The following HSD17B4 variants were observed in gnomAD, a reference collection of about 807,000 sequenced individuals.
HSD17B4 encodes the protein peroxisomal multifunctional enzyme type 2.
HSD17B4 carries 70 observed loss-of-function variants against 101.0 expected under a neutral mutation model. The ratio of observed to expected loss-of-function variants is 0.69; its 90% CI spans 0.57 to 0.85. The LOEUF (loss-of-function observed/expected upper bound fraction) is 0.85. Among genes scored for constraint, HSD17B4 ranks in the 40% least tolerant of loss-of-function variants. The pLI, the probability that HSD17B4 is intolerant of heterozygous loss-of-function variation, is 0.00. For missense variants in HSD17B4, 984 were observed against 892.4 expected (o/e 1.10, Z -1.31); for synonymous variants, 347 against 297.1 (o/e 1.17, Z -1.73).
chr5:119,496,903 T>C (rs1026906639), intron 12 of HSD17B4, among the ~76,000 whole-genome samples: 16 of 152,256 alleles, frequency 1.1e-4, no homozygotes, highest in Non-Finnish European at 2.1e-4. Context: ...TTGAGCCACA[T>C]GAAGAGATGG....
intron 17 of HSD17B4, among the ~76,000 whole-genome samples, chr5:119,522,972 C>G (rs1753248034): frequency 6.6e-6 from 1 of 152,126 alleles, no homozygotes; most frequent in South Asian, 2.1e-4. Flanking sequence ...CCCCCAAGCC[C>G]TGCCACTCTG....
At chr5:119,453,560 T>TA (rs1754295751) in intron 1 of HSD17B4, among the ~76,000 whole-genome samples, 1 of 152,230 alleles carries the variant, frequency 6.6e-6, no homozygotes, top group African/African-American at 2.4e-5. Context: ...GATTCTCCAC[T>TA]GGTAGTACCT....
intron 2 of HSD17B4, among the ~76,000 whole-genome samples, chr5:119,466,116 A>ATT (rs1755782972): frequency 6.6e-6 from 1 of 152,236 alleles, no homozygotes; most frequent in Non-Finnish European, 1.5e-5. Context: ...GTGATATCAC[A>ATT]TTTATTGATA....
At chr5:119,500,074 G>C (rs1453921388) in intron 13 of HSD17B4, among the ~76,000 whole-genome samples, 1 of 152,182 alleles carries the variant, frequency 6.6e-6, no homozygotes, top group Non-Finnish European at 1.5e-5. Context: ...TGATGAACAT[G>C]TGAAGCCATT....
intron 12 of HSD17B4, among the ~76,000 whole-genome samples, chr5:119,497,377 T>C (rs989934504): frequency 3.9e-5 from 6 of 152,314 alleles, no homozygotes; most frequent in East Asian, 1.9e-4. Context: ...TAAACTGATA[T>C]CTAGTCCAGA....
At chr5:119,527,264 TG>T (rs756068722) in intron 20 of HSD17B4, 45 bp downstream of exon 20, 1 of 1,075,900 alleles carries the variant, frequency 9.3e-7, no homozygotes, top group African/African-American at 1.5e-5. Context: ...TTTATCATTG[TG>T]TTCCATCTTA....
At chr5:119,537,764 A>G (rs1177299357) in intron 23 of HSD17B4, among the ~76,000 whole-genome samples, 2 of 152,160 alleles carry the variant, frequency 1.3e-5, no homozygotes, top group Non-Finnish European at 2.9e-5. Context: ...GAGAATATGT[A>G]AACAATGGAG....
intron 9 of HSD17B4, among the ~76,000 whole-genome samples, chr5:119,491,365 T>C (rs1330242011): frequency 1.3e-5 from 2 of 152,062 alleles, no homozygotes; most frequent in African/African-American, 4.8e-5. Context: ...ATTTCTTCTA[T>C]CATATGCATA....
intron 14 of HSD17B4, among the ~76,000 whole-genome samples, chr5:119,506,405 C>T (rs531315770): frequency 1.3e-5 from 2 of 152,276 alleles, no homozygotes; most frequent in East Asian, 3.9e-4. Context: ...TTTTCTTTAT[C>T]CAGTCTATTA....
At chr5:119,467,271 C>T (rs1375162665) in intron 2 of HSD17B4, among the ~76,000 whole-genome samples, 1 of 152,112 alleles carries the variant, frequency 6.6e-6, no homozygotes, top group Non-Finnish European at 1.5e-5. Flanking sequence ...CTATTAGGAC[C>T]ATTTCATTTC....
chr5:119,487,264 TG>T (rs1458315894), intron 8 of HSD17B4: 1 of 150,062 alleles, frequency 6.7e-6, no homozygotes, highest in African/African-American at 2.4e-5. Flanking sequence ...TTTTTCTGGT[TG>T]GAGGATACCT....
intron 15 of HSD17B4, among the ~76,000 whole-genome samples, chr5:119,508,533 A>G (rs184756400): frequency 2.0e-5 from 3 of 152,364 alleles, no homozygotes; most frequent in Non-Finnish European, 4.4e-5. Flanking sequence ...TAAGTTAGTA[A>G]ATAGAGGGAC....
At chr5:119,501,720 C>T (rs1465503034) in intron 13 of HSD17B4, among the ~76,000 whole-genome samples, 1 of 152,042 alleles carries the variant, frequency 6.6e-6, no homozygotes, top group African/African-American at 2.4e-5. Context: ...ATGTTCCAGG[C>T]ACTGTTATAA....
At chr5:119,458,660 G>A (rs556755393) in intron 2 of HSD17B4, among the ~76,000 whole-genome samples, 15 of 152,160 alleles carry the variant, frequency 9.9e-5, no homozygotes, top group African/African-American at 3.4e-4. Flanking sequence ...AAAGTTAGGG[G>A]CATCATTTAA....
At chr5:119,541,071 C>T (rs1452937052) in intron 23 of HSD17B4, among the ~76,000 whole-genome samples, 1 of 152,118 alleles carries the variant, frequency 6.6e-6, no homozygotes, top group Non-Finnish European at 1.5e-5. Context: ...GCTATAAAAA[C>T]TATGATTGAT....
chr5:119,475,964 T>C (rs895424527), intron 6 of HSD17B4, 94 bp downstream of exon 6: 1 of 884,016 alleles, frequency 1.1e-6, no homozygotes, highest in Non-Finnish European at 1.9e-6. Context: ...AAAACCTGCT[T>C]CTATCTACTT....
In HSD17B4 at chr5:119,474,350, C is replaced by T. The variant is rs183339653; in HGVS notation, c.221-51C>T. On this transcript the variant is annotated intron_variant, in intron 3 of 23. Transcript: ENST00000510025. Reference sequence around the variant, plus strand: ...ACTCTGACCCACAGAATTTAGAAGTCCTTTGGAAGGGAGGTTGCCGAAATT... The same window carrying T: ...ACTCTGACCCACAGAATTTAGAAGTTCTTTGGAAGGGAGGTTGCCGAAATT... 6 of 1,122,152 alleles carry T rather than the reference C, an allele frequency of 5.3e-6. No individual in the cohort carries two copies. In the East Asian group the frequency reaches 1.4e-4, roughly 26 times the overall value. 69.5% of individuals were successfully genotyped at this position (1,122,152 alleles called of 1,614,324 possible).
chr5:119,517,530 C>T (rs1213835314), intron 17 of HSD17B4, among the ~76,000 whole-genome samples: 1 of 152,258 alleles, frequency 6.6e-6, no homozygotes, highest in East Asian at 1.9e-4. Flanking sequence ...CACCTGCAGC[C>T]CTGGTGTGGG....
At chr5:119,502,226 C>G in intron 14 of HSD17B4, 134 bp downstream of exon 14, 1 of 671,338 alleles carries the variant, frequency 1.5e-6, no homozygotes, top group East Asian at 2.7e-5. Context: ...CACATGTGAG[C>G]CATTAGAGTA....
Sources: gnomAD v4.1 joint callset for allele counts (sites outside exome capture counted in the v4.1 genomes callset) on GRCh38, gnomAD v4.1.1 for gene constraint, MANE v1.5 for transcripts, NCBI Gene and HGNC (gene_info 2026-07-23, HGNC 2026-07-21) for gene names.